NLRP3: variants seen among roughly 807,000 people sequenced by gnomAD.
NLRP3 encodes NACHT, LRR and PYD domains-containing protein 3.
In NLRP3, 48 loss-of-function variants were observed where a neutral mutation model predicts 91.3. That is an observed-to-expected ratio of 0.53 (90% CI 0.42 to 0.67). The LOEUF is 0.67. Among genes scored for constraint, NLRP3 ranks in the 30% least tolerant of loss-of-function variants. NLRP3 has a pLI of 0.00. For synonymous variants in NLRP3, 561 were observed against 507.9 expected (o/e 1.10, Z -1.41); for missense variants, 982 against 1,276.9 (o/e 0.77, Z 3.52).
At chr1:247,433,484 C>A (rs939360395) in intron 5 of NLRP3, among the ~76,000 whole-genome samples, 1 of 152,198 alleles carries the variant, frequency 6.6e-6, no homozygotes, top group South Asian at 2.1e-4. Context: ...TCTCAATGCA[C>A]CCGGCACTGT....
chr1:247,443,846 G>A (rs60790382), intron 7 of NLRP3, 126 bp from the exon 8 acceptor site: 1 of 865,356 alleles, frequency 1.2e-6, no homozygotes, highest in Non-Finnish European at 1.9e-6. Flanking sequence ...TATCTGAGAT[G>A]CTGGCTCCTG....
In NLRP3 at chr1:247,424,769, G is replaced by T; in HGVS notation, c.1320G>T (p.Val440=). ...AGACATCCAAGACCACCACCGCGGT[G>T]TACGTCTTCTTCCTTTCCAGTTTGC... ...LAQTSKTTTA[V]YVFFLSSLLQ... The change falls in exon 4 of 10, where the codon GTG becomes GTT. Residue 440 remains valine (V), a synonymous_variant. Transcript: ENST00000336119. This position sits in a 1 kb window ranked among gnomAD's most constrained non-coding sequence, Gnocchi z 8.1. 6.2e-7 allele frequency: 1 copy of T among 1,612,324 alleles called. No individual in the cohort carries two copies. Among genetic ancestry groups the T allele is most frequent in the Middle Eastern group, 1.6e-4 (1 of 6,062 alleles).
chr1:247,433,465 G>T (rs1663497576), intron 5 of NLRP3, among the ~76,000 whole-genome samples: 1 of 152,326 alleles, frequency 6.6e-6, no homozygotes, highest in African/African-American at 2.4e-5. Context: ...TCACATGTCT[G>T]GGGGGTGATC....
At chr1:247,416,804 C>T (rs1018482352) in intron 1 of NLRP3, among the ~76,000 whole-genome samples, 13 of 152,034 alleles carry the variant, frequency 8.6e-5, no homozygotes, top group African/African-American at 2.9e-4. Context: ...GGAGATGGGA[C>T]GGGAGAGATG....
At chr1:247,442,057 G>C (rs900806963) in intron 7 of NLRP3, among the ~76,000 whole-genome samples, 3 of 152,236 alleles carry the variant, frequency 2.0e-5, no homozygotes, top group African/African-American at 7.2e-5. Flanking sequence ...ACAACCCTCT[G>C]ATAGAATTCT....
At chr1:247,435,507 T>C (rs1663721405) in intron 6 of NLRP3, among the ~76,000 whole-genome samples, 2 of 152,262 alleles carry the variant, frequency 1.3e-5, no homozygotes, top group Admixed American at 1.3e-4. Context: ...AGGAGGTGTC[T>C]AGAACAGACA....
In NLRP3 at chr1:247,425,092, G is replaced by A. The variant is rs200258061; in HGVS notation, c.1643G>A (p.Arg548His). ...GGAAGGACGAACGTTCCAGGGAGTC[G>A]TTTGAAGCTTCCCAGCCGAGACGTG... ...KEGRTNVPGSRLKLPSRDVTV... is the reference protein window; with the variant it reads ...KEGRTNVPGSHLKLPSRDVTV... Residue 548 changes from arginine to histidine, a missense_variant, in exon 4 of 10, where the codon CGT becomes CAT. By Grantham distance (29) the Arg-to-His change is conservative. Transcript: ENST00000336119. This position sits in a 1 kb window ranked among gnomAD's most constrained non-coding sequence, Gnocchi z 4.1. 23 of 1,614,028 alleles carry A rather than the reference G, an allele frequency of 1.4e-5. No homozygotes were observed. The highest frequency in any genetic ancestry group is 1.9e-5 in the Non-Finnish European group (22 of 1,180,024).
chr1:247,422,824 G>T (rs1662558317), intron 2 of NLRP3, among the ~76,000 whole-genome samples: 2 of 152,208 alleles, frequency 1.3e-5, no homozygotes, highest in Non-Finnish European at 2.9e-5. Flanking sequence ...GTCAGGGAAG[G>T]GTGACCTTTC....
intron 5 of NLRP3, 29 bp from the exon 6 acceptor site, chr1:247,434,074 T>C (rs116630346): frequency 9.7e-7 from 1 of 1,034,018 alleles, no homozygotes; most frequent in Admixed American, 3.2e-5. Context: ...TGTGTTCTGA[T>C]GCTTTCTGCC....
chr1:247,445,916 G>T (rs928723819), intron 9 of NLRP3, among the ~76,000 whole-genome samples: 4 of 151,928 alleles, frequency 2.6e-5, no homozygotes, highest in Non-Finnish European at 4.4e-5. Flanking sequence ...GTGTGCTGTG[G>T]CCTCCAGATT....
chr1:247,421,523 A>G (rs1014447460), intron 2 of NLRP3, among the ~76,000 whole-genome samples: 1 of 152,230 alleles, frequency 6.6e-6, no homozygotes, highest in Non-Finnish European at 1.5e-5. Context: ...AAGTGTCATA[A>G]TCACAACTGT....
At position 247,444,725 on chromosome 1, in the gene NLRP3, G is replaced by A. The variant is rs751005568; in HGVS notation, c.2909G>A (p.Arg970Gln). The change falls in exon 9 of 10, where the codon CGA (arginine) becomes CAA (glutamine). Residue 970 changes from arginine (R) to glutamine (Q), a missense_variant. Arg to Gln is a conservative substitution (Grantham distance 43, BLOSUM62 1). This residue lies in a region of NLRP3 where 373 missense variants were observed against 431.5 expected (regional missense o/e 0.86). Coordinates refer to ENST00000336119, the MANE Select transcript of NLRP3 (RefSeq NM_001243133.2). ...CTTCTGACCTCCAGCCAGAGCCTGC[G>A]AAAGCTGAGCCTGGGCAACAATGAC... ...STLLTSSQSL[R>Q]KLSLGNNDLG... 1.5e-5 allele frequency: 24 copies of A among 1,614,020 alleles called. No homozygotes were observed. The highest frequency in any genetic ancestry group is 6.7e-5 in the Admixed American group (4 of 60,006).
At chr1:247,445,501 T>C (rs1029672485) in intron 9 of NLRP3, among the ~76,000 whole-genome samples, 1 of 152,048 alleles carries the variant, frequency 6.6e-6, no homozygotes, top group African/African-American at 2.4e-5. Flanking sequence ...TGCCTGGCGG[T>C]TTCTGAGGAT....
chr1:247,427,139 G>A (rs952225132), intron 4 of NLRP3, among the ~76,000 whole-genome samples: 1 of 152,152 alleles, frequency 6.6e-6, no homozygotes, highest in South Asian at 2.1e-4. Flanking sequence ...GGTCGATGGT[G>A]CCTTCTCACT....
At chr1:247,443,045 C>A (rs566937830) in intron 7 of NLRP3, among the ~76,000 whole-genome samples, 1 of 152,290 alleles carries the variant, frequency 6.6e-6, no homozygotes, top group African/African-American at 2.4e-5. Flanking sequence ...CCTGCCTCAG[C>A]CTCCCAAGTA....
chr1:247,433,417 A>G (rs1405819043), intron 5 of NLRP3, among the ~76,000 whole-genome samples: 1 of 152,142 alleles, frequency 6.6e-6, no homozygotes, highest in East Asian at 1.9e-4. Context: ...GCACAGGCCC[A>G]CACCGCCCGC....
intron 3 of NLRP3, 23 bp downstream of exon 3, chr1:247,423,372 C>A (rs1413121625): frequency 6.2e-7 from 1 of 1,613,504 alleles, no homozygotes. Flanking sequence ...GGTGGTGCTT[C>A]TAGTTGAGTT....
At chr1:247,430,535 T>C (rs1024974228) in intron 5 of NLRP3, among the ~76,000 whole-genome samples, 3 of 152,004 alleles carry the variant, frequency 2.0e-5, no homozygotes, top group Non-Finnish European at 4.4e-5. Context: ...CTTCAACATG[T>C]AAATTTTTGG....
intron 2 of NLRP3, among the ~76,000 whole-genome samples, 199 bp from the exon 3 acceptor site, chr1:247,423,028 CAGA>C (rs1237076898): frequency 8.5e-5 from 13 of 152,154 alleles, no homozygotes; most frequent in Admixed American, 8.5e-4. Flanking sequence ...AGGTGGACAG[CAGA>C]AGTTGTTTTG....
Sources: gnomAD v4.1 joint callset for allele counts (sites outside exome capture counted in the v4.1 genomes callset) on GRCh38, gnomAD v4.1.1 for gene constraint, gnomAD v4.1.1 regional missense constraint, Gnocchi (gnomAD v3.1) non-coding constraint, MANE v1.5 for transcripts, NCBI Gene and HGNC (gene_info 2026-07-23, HGNC 2026-07-21) for gene names.